The following BICD1 variants were observed in gnomAD, a reference collection of about 807,000 sequenced individuals.
The protein encoded by BICD1 is protein bicaudal D homolog 1.
A neutral mutation model predicts 92.5 loss-of-function variants in BICD1; 35 were observed. The ratio of observed to expected loss-of-function variants is 0.38; its 90% CI spans 0.29 to 0.50. BICD1 has a LOEUF of 0.50. BICD1 is among the 20% of genes least tolerant of loss of function. The pLI, the probability that BICD1 is intolerant of heterozygous loss-of-function variation, is 0.93. For synonymous variants in BICD1, 429 were observed against 465.1 expected, an observed-to-expected ratio of 0.92 and a Z score of 1.00; for missense variants, 950 against 1,189.8, an observed-to-expected ratio of 0.80 and a Z score of 2.97.
At chr12:32,121,496 G>A (rs1298763942) in intron 1 of BICD1, among the ~76,000 whole-genome samples, 14 of 151,822 alleles carry the variant, frequency 9.2e-5, no homozygotes, top group Non-Finnish European at 1.0e-4. Context: ...GGGAGGCTGA[G>A]GCAGGAGAAA....
In BICD1 at chr12:32,328,089, G is replaced by A. The variant is rs777649808; in HGVS notation, c.1634G>A (p.Arg545His). The change falls in exon 5 of 10, where the codon CGC (arginine) becomes CAC (histidine). Residue 545 changes from arginine (R) to histidine (H), a missense_variant. This residue lies in a region of BICD1 where 309 missense variants were observed against 499.4 expected (regional missense o/e 0.62). Transcript: ENST00000652176. This position sits in a 1 kb window ranked among gnomAD's most constrained non-coding sequence, Gnocchi z 4.4. The stretch of plus-strand genomic sequence containing the variant: ...TACTATAGGCAGAGCAGAGTCACCC[G>A]CAGTGGCAGCCTGAAAGGGCCCGAT... Reference protein sequence around the residue: ...LDYYRQSRVTRSGSLKGPDDP... With the variant: ...LDYYRQSRVTHSGSLKGPDDP... 9.3e-6 allele frequency: 15 copies of A among 1,614,118 alleles called. No individual in the cohort carries two copies. The highest frequency in any genetic ancestry group is 1.6e-4 in the Middle Eastern group (1 of 6,062).
intron 4 of BICD1, among the ~76,000 whole-genome samples, chr12:32,323,106 A>G (rs114935978): frequency 0.01 from 1,562 of 152,332 alleles, 28 homozygotes; most frequent in African/African-American, 0.036. Context: ...TTCATGAAAT[A>G]CCATATTACA....
intron 3 of BICD1, among the ~76,000 whole-genome samples, chr12:32,295,304 A>T (rs1947837943): frequency 6.6e-6 from 1 of 152,192 alleles, no homozygotes; most frequent in South Asian, 2.1e-4. Flanking sequence ...TGAATCGAGT[A>T]GTTAATTAAG....
At chr12:32,282,854 G>C (rs567610496) in intron 2 of BICD1, among the ~76,000 whole-genome samples, 1 of 152,208 alleles carries the variant, frequency 6.6e-6, no homozygotes, top group Non-Finnish European at 1.5e-5. Flanking sequence ...CAATGACAAC[G>C]TGCAAGTTGT....
At chr12:32,213,438 C>G (rs917865988) in intron 1 of BICD1, among the ~76,000 whole-genome samples, 1 of 152,132 alleles carries the variant, frequency 6.6e-6, no homozygotes, top group Admixed American at 6.5e-5. Flanking sequence ...ATCTGTTGCC[C>G]TGCCTGGAGT....
intron 1 of BICD1, among the ~76,000 whole-genome samples, chr12:32,135,903 A>G (rs7303443): frequency 0.36 from 55,086 of 152,018 alleles, 11,530 homozygotes; most frequent in Middle Eastern, 0.58. Context: ...GGAGAGGGAC[A>G]AAGGAGAGGC....
chr12:32,120,207 ACTT>A (rs1942091975), intron 1 of BICD1, among the ~76,000 whole-genome samples: 1 of 152,046 alleles, frequency 6.6e-6, no homozygotes, highest in Non-Finnish European at 1.5e-5. Flanking sequence ...TTGATCTCTA[ACTT>A]CTTGGTGACT....
intron 2 of BICD1, among the ~76,000 whole-genome samples, chr12:32,278,690 A>G (rs531151112): frequency 6.6e-6 from 1 of 152,142 alleles, no homozygotes; most frequent in South Asian, 2.1e-4. Flanking sequence ...TGTCTCTACT[A>G]AAAATACAAA....
intron 1 of BICD1, among the ~76,000 whole-genome samples, chr12:32,155,731 T>TA (rs1943417005): frequency 6.6e-6 from 1 of 152,096 alleles, no homozygotes; most frequent in Non-Finnish European, 1.5e-5. Flanking sequence ...CATTAAAACA[T>TA]AAAAAAAATT....
chr12:32,142,034 C>T (rs762912961), intron 1 of BICD1, among the ~76,000 whole-genome samples: 11 of 151,876 alleles, frequency 7.2e-5, no homozygotes, highest in Non-Finnish European at 1.3e-4. Flanking sequence ...CAGGAGAGAG[C>T]GGATTCTTTT....
chr12:32,117,452 A>G (rs1432228749), intron 1 of BICD1, among the ~76,000 whole-genome samples: 1 of 152,140 alleles, frequency 6.6e-6, no homozygotes, highest in Non-Finnish European at 1.5e-5. Context: ...CAGTGTCTCA[A>G]AACTTTATTT....
chr12:32,157,132 G>C (rs1943463669), intron 1 of BICD1, among the ~76,000 whole-genome samples: 1 of 152,058 alleles, frequency 6.6e-6, no homozygotes, highest in Admixed American at 6.6e-5. Flanking sequence ...GGATGTTAAT[G>C]GTACAAGTTT....
chr12:32,107,790 G>C, intron 1 of BICD1: 1 of 701,934 alleles, frequency 1.4e-6, no homozygotes, highest in Non-Finnish European at 2.6e-6. Flanking sequence ...GGGGGAGGGA[G>C]ATTAGTAAGA....
At chr12:32,146,878 T>C (rs572185101) in intron 1 of BICD1, among the ~76,000 whole-genome samples, 1 of 137,822 alleles carries the variant, frequency 7.3e-6, no homozygotes, top group Admixed American at 7.6e-5. Flanking sequence ...CCTCTTCTTC[T>C]TCCTCCTCCT....
At chr12:32,304,654 T>C (rs1352130949) in intron 3 of BICD1, among the ~76,000 whole-genome samples, 2 of 152,228 alleles carry the variant, frequency 1.3e-5, no homozygotes, top group Admixed American at 1.3e-4. Context: ...CTGTCACCCG[T>C]GGGCCTTCAT....
intron 1 of BICD1, among the ~76,000 whole-genome samples, chr12:32,142,480 A>ATCTATCTATCTG (rs1942972567): frequency 1.6e-5 from 2 of 126,180 alleles, no homozygotes; most frequent in African/African-American, 5.7e-5. Context: ...CTATCTATCT[A>ATCTATCTATCTG]TCTATCTATT....
chr12:32,269,028 T>A (rs951738300), intron 2 of BICD1, among the ~76,000 whole-genome samples: 1 of 152,150 alleles, frequency 6.6e-6, no homozygotes, highest in African/African-American at 2.4e-5. Context: ...GATTTGTAGG[T>A]CTGGGATGGG....
At chr12:32,228,784 T>C (rs534251436) in intron 2 of BICD1, among the ~76,000 whole-genome samples, 1 of 152,264 alleles carries the variant, frequency 6.6e-6, no homozygotes, top group African/African-American at 2.4e-5. Flanking sequence ...GAGTTATCAA[T>C]TGAGATGGGA....
Position 32,328,117 on chromosome 12 carries a change from T to C in BICD1, c.1662T>C (p.Asp554=), listed in dbSNP as rs372706957. 1 of 1,614,006 alleles carries C rather than the reference T, an allele frequency of 6.2e-7. No individual in the cohort carries two copies. Among genetic ancestry groups the C allele is most frequent in the African/African-American group, 1.3e-5 (1 of 74,910 alleles). ...GTGGCAGCCTGAAAGGGCCCGATGATCCCAGAGGACTTTTGTCCCCACGAT... is the reference window on the plus strand; with the variant it reads ...GTGGCAGCCTGAAAGGGCCCGATGACCCCAGAGGACTTTTGTCCCCACGAT... ...TRSGSLKGPD[D]PRGLLSPRLA... is the part of the protein sequence containing the mutation. Residue 554 remains aspartate, a synonymous_variant, in exon 5 of 10, where the codon GAT becomes GAC. Coordinates refer to ENST00000652176, the MANE Select transcript of BICD1 (RefSeq NM_001714.4). The surrounding 1 kb of genome is among the most constrained non-coding windows in gnomAD (Gnocchi z 4.4).
Sources: gnomAD v4.1 joint callset for allele counts (sites outside exome capture counted in the v4.1 genomes callset) on GRCh38, gnomAD v4.1.1 for gene constraint, gnomAD v4.1.1 regional missense constraint, Gnocchi (gnomAD v3.1) non-coding constraint, MANE v1.5 for transcripts, NCBI Gene and HGNC (gene_info 2026-07-23, HGNC 2026-07-21) for gene names.